Variants in RBM46 observed in about 807,000 individuals in gnomAD.
RBM46 encodes the protein RNA binding motif protein 46.
In RBM46, 12 loss-of-function variants were observed where a neutral mutation model predicts 43.3. The ratio of observed to expected loss-of-function variants is 0.28; its 90% CI spans 0.18 to 0.45. RBM46 has a LOEUF of 0.45. RBM46 is among the 20% of genes least tolerant of loss of function. RBM46 has a pLI of 1.00. For synonymous variants in RBM46, 205 were observed against 207.6 expected, an observed-to-expected ratio of 0.99 and a Z score of 0.11; for missense variants, 412 against 639.1, an observed-to-expected ratio of 0.64 and a Z score of 3.83.
In RBM46 at chr4:154,824,144, G is replaced by A. The variant is rs773860242; in HGVS notation, c.1403-3724G>A. On this transcript the variant is annotated intron_variant, in intron 4 of 4. Coordinates refer to ENST00000281722, the MANE Select transcript of RBM46 (RefSeq NM_144979.5). ...CCTTTACTTCAAGTGAAAGTTTAGC[G>A]TATAAAACAAGGGAATGCAGAGCTA... Among the ~76,000 whole-genome samples, 14 of 150,858 alleles carry A rather than the reference G, an allele frequency of 9.3e-5. No homozygotes were observed. In the East Asian group the frequency reaches 1.4e-3, roughly 15 times the overall value.
intron 4 of RBM46, among the ~76,000 whole-genome samples, chr4:154,825,976 G>A (rs1735938038): frequency 6.6e-6 from 1 of 152,114 alleles, no homozygotes; most frequent in Admixed American, 6.6e-5. Context: ...AATTTGAAGA[G>A]CTAGGTGTAT....
intron 4 of RBM46, among the ~76,000 whole-genome samples, chr4:154,811,700 T>TGTGTGTGTGTGTGA (rs1186984712): frequency 2.7e-5 from 4 of 150,058 alleles, no homozygotes; most frequent in African/African-American, 7.4e-5. Flanking sequence ...TGTGTGTGTG[T>TGTGTGTGTGTGTGA]GACAGAGTTT....
rs747299450 is a variant in RBM46 at position 154,799,097 on chromosome 4, A to AAGG, written c.936_937insGGA (p.Glu312_Asn313insGly). On this transcript the variant is annotated inframe_insertion, in exon 4 of 5. Transcript: ENST00000281722. ...ACACTAGCTAAACCAGTAAATAAAGAAAACACTTGGAGACAGCATCTTAAT... is the reference window on the plus strand; with the variant it reads ...ACACTAGCTAAACCAGTAAATAAAGAAGGAAACACTTGGAGACAGCATCTTAAT... The AAGG allele has an allele frequency of 6.2e-7, 1 of 1,614,156 alleles. No homozygotes were observed. The highest frequency in any genetic ancestry group is 8.5e-7 in the Non-Finnish European group (1 of 1,179,998).
At chr4:154,786,702 G>C (rs1733787930) in intron 1 of RBM46, among the ~76,000 whole-genome samples, 1 of 152,012 alleles carries the variant, frequency 6.6e-6, no homozygotes, top group African/African-American at 2.4e-5. Flanking sequence ...GCTGAGGCGG[G>C]TGGATCACGA....
intron 1 of RBM46, among the ~76,000 whole-genome samples, chr4:154,785,054 T>G (rs1055907902): frequency 6.6e-6 from 1 of 152,220 alleles, no homozygotes; most frequent in Admixed American, 6.5e-5. Flanking sequence ...ATTATACACG[T>G]GCATATATTT....
At chr4:154,823,688 A>G (rs138096739) in intron 4 of RBM46, among the ~76,000 whole-genome samples, 2 of 152,112 alleles carry the variant, frequency 1.3e-5, no homozygotes, top group African/African-American at 4.8e-5. Flanking sequence ...CACTGTTCAC[A>G]TTTTCACTGA....
chr4:154,798,758 C>T, intron 3 of RBM46, 24 bp from the exon 4 acceptor site: 1 of 1,368,496 alleles, frequency 7.3e-7, no homozygotes, highest in Non-Finnish European at 9.4e-7. Flanking sequence ...TAATTCTCTT[C>T]AAATTATTAT....
intron 4 of RBM46, 149 bp downstream of exon 4, chr4:154,799,713 T>C: frequency 1.8e-6 from 1 of 568,482 alleles, no homozygotes; most frequent in Non-Finnish European, 2.8e-6. Flanking sequence ...GATAACTTTC[T>C]TGAAACTTGT....
At chr4:154,820,255 A>T (rs925337290) in intron 4 of RBM46, 1 of 567,840 alleles carries the variant, frequency 1.8e-6, no homozygotes, top group African/African-American at 1.9e-5. Context: ...TTTTTTATTT[A>T]CTGATCAAAA....
At chr4:154,792,270 G>A (rs551079013) in intron 1 of RBM46, among the ~76,000 whole-genome samples, 3 of 152,204 alleles carry the variant, frequency 2.0e-5, no homozygotes, top group South Asian at 2.1e-4. Context: ...ATGAGATAAT[G>A]TATATAAAGT....
chr4:154,825,867 G>A (rs1266579964), intron 4 of RBM46, among the ~76,000 whole-genome samples: 2 of 152,164 alleles, frequency 1.3e-5, no homozygotes, highest in African/African-American at 2.4e-5. Context: ...TTGAGTGGAT[G>A]TAAACTCAAA....
chr4:154,817,331 C>CA (rs1735495622), intron 4 of RBM46, among the ~76,000 whole-genome samples: 1 of 126,420 alleles, frequency 7.9e-6, no homozygotes, highest in Non-Finnish European at 1.6e-5. Flanking sequence ...TTTTCTCTTT[C>CA]TTTTTTTTTT....
chr4:154,798,337 T>G, intron 3 of RBM46, 59 bp downstream of exon 3: 1 of 1,055,716 alleles, frequency 9.5e-7, no homozygotes, highest in Non-Finnish European at 1.4e-6. Context: ...GAGATGATAG[T>G]ACATCAGGGA....
chr4:154,826,149 T>TAAAA (rs370010655), intron 4 of RBM46, among the ~76,000 whole-genome samples: 1 of 139,042 alleles, frequency 7.2e-6, no homozygotes, highest in South Asian at 2.3e-4. Context: ...TGGATCCTTT[T>TAAAA]AAAAAAAAAA....
intron 1 of RBM46, chr4:154,782,054 C>T (rs902130225): frequency 6.6e-6 from 1 of 152,466 alleles, no homozygotes; most frequent in African/African-American, 2.4e-5. Flanking sequence ...GCCTTTGTCT[C>T]CCTGTTTCTT....
rs140466429 is a variant in RBM46, at chr4:154,816,445, A to G, written c.1403-11423A>G. 3.8e-3 allele frequency among the ~76,000 whole-genome samples: 584 copies of G among 152,234 alleles called. 5 individuals carry two copies. Among genetic ancestry groups the G allele is most frequent in the Admixed American group, 6.9e-3 (105 of 15,284 alleles). The stretch of plus-strand genomic sequence containing the variant: ...GTAGTTTACTGTTTAAATATCTTCT[A>G]CATCTTTCTCCAGACTTATACCTAG... On this transcript the variant is annotated intron_variant, in intron 4 of 4. Transcript: ENST00000281722.
intron 4 of RBM46, 68 bp from the exon 5 acceptor site, chr4:154,827,800 T>C (rs1326494396): frequency 1.5e-5 from 24 of 1,601,224 alleles, no homozygotes; most frequent in Non-Finnish European, 1.9e-5. Flanking sequence ...GTTTAATGCT[T>C]TGTCTCTTTA....
At chr4:154,818,119 C>G (rs940539083) in intron 4 of RBM46, among the ~76,000 whole-genome samples, 1 of 152,006 alleles carries the variant, frequency 6.6e-6, no homozygotes, top group Non-Finnish European at 1.5e-5. Flanking sequence ...ATAAAAACAT[C>G]TAGTTATAAT....
chr4:154,787,646 A>G (rs528881048), intron 1 of RBM46, among the ~76,000 whole-genome samples: 491 of 152,248 alleles, frequency 3.2e-3, no homozygotes, highest in African/African-American at 0.011. Flanking sequence ...GTAAACATAC[A>G]TGTGCATGTG....
Sources: allele counts gnomAD v4.1 joint callset (sites outside exome capture counted in the v4.1 genomes callset), GRCh38; gene constraint gnomAD v4.1.1; transcripts MANE v1.5; gene names NCBI Gene and HGNC (gene_info 2026-07-23, HGNC 2026-07-21).